HAL: variants seen among roughly 807,000 people sequenced by gnomAD.
The protein encoded by HAL is histidine ammonia-lyase.
Under a neutral mutation model 81.1 loss-of-function variants are expected in HAL, and 85 were observed. That is an observed-to-expected ratio of 1.05 (90% CI 0.88 to 1.25). HAL has a LOEUF of 1.25. Ranked by LOEUF, HAL falls within the 50% of genes most tolerant of loss-of-function variation. The pLI, the probability that HAL is intolerant of heterozygous loss-of-function variation, is 0.00. For missense variants in HAL, 798 were observed against 836.6 expected (o/e 0.95, Z 0.57); for synonymous variants, 301 against 309.2 (o/e 0.97, Z 0.28).
At chr12:95,996,052 C>T (rs1950032527) in intron 1 of HAL, 26 bp downstream of exon 1, 1 of 822,942 alleles carries the variant, frequency 1.2e-6, no homozygotes, top group Non-Finnish European at 2.0e-6. Flanking sequence ...CTCATTCATG[C>T]ATTGGACAAA....
At position 95,985,930 on chromosome 12, in the gene HAL, T is replaced by A; in HGVS notation, c.1184A>T (p.Tyr395Phe). 6.2e-7 allele frequency: 1 copy of A among 1,611,776 alleles called. No individual in the cohort carries two copies. The highest frequency in any genetic ancestry group is 8.5e-7 in the Non-Finnish European group (1 of 1,178,004). The change falls in exon 14 of 21, where the codon TAC becomes TTC. Residue 395 changes from tyrosine (Y) to phenylalanine (F), a missense_variant. Coordinates refer to ENST00000261208, the MANE Select transcript of HAL (RefSeq NM_002108.4). The stretch of plus-strand genomic sequence containing the variant: ...TACCTGTGGACAGCAGCGCAAGGTG[T>A]ATGCATCCTGGACGCGATCACAGAA... ...HRFCDRVQDA[Y>F]TLRCCPQVHG... is the part of the protein sequence containing the mutation.
At position 95,988,225 on chromosome 12, in the gene HAL, C is replaced by T. The variant is rs1592846769; in HGVS notation, c.871G>A (p.Gly291Arg). 6.6e-7 allele frequency: 1 copy of T among 1,518,444 alleles called. No individual in the cohort carries two copies. The highest frequency in any genetic ancestry group is 9.1e-7 in the Non-Finnish European group (1 of 1,093,096). 94.1% of individuals were successfully genotyped at this position (1,518,444 alleles called of 1,614,324 possible). A position where few individuals can be genotyped will look rare whatever the true frequency, so the allele number is the denominator to read the frequency against. ...ADAKYVLEAH[G>R]LKPVILKPKE... is the part of the protein sequence containing the mutation. ...GGTTTTAAAATAACTGGTTTCAATCCATGGGCTTCTAGCACCTATAGAATG... is the reference window on the plus strand; with the variant it reads ...GGTTTTAAAATAACTGGTTTCAATCTATGGGCTTCTAGCACCTATAGAATG... The change falls in exon 11 of 21, where the codon GGA becomes AGA. Residue 291 changes from glycine (G) to arginine (R), a missense_variant. Transcript: ENST00000261208.
At chr12:95,990,198 GACAGCCGAGTATAGAAGCTA>G in intron 10 of HAL, 175 bp downstream of exon 10, 1 of 645,944 alleles carries the variant, frequency 1.5e-6, no homozygotes, top group Admixed American at 2.2e-5. Context: ...CCAGAAGGCT[GACAGCCGAGTATAGAAGCTA>G]ACAACAGTCT....
intron 9 of HAL, 99 bp from the exon 10 acceptor site, chr12:95,990,631 C>T (rs1949957540): frequency 3.3e-6 from 3 of 916,988 alleles, no homozygotes; most frequent in Non-Finnish European, 5.5e-6. Flanking sequence ...AACACCCTGC[C>T]TCCAATATCT....
At chr12:95,992,420 T>A (rs1178538487) in intron 9 of HAL, among the ~76,000 whole-genome samples, 1 of 152,162 alleles carries the variant, frequency 6.6e-6, no homozygotes, top group African/African-American at 2.4e-5. Context: ...GACTTAAGAG[T>A]CCTGTTCTAG....
rs146651452 is a variant in HAL at position 95,992,727 on chromosome 12, C to T, written c.668G>A (p.Ser223Asn). 1.9e-5 allele frequency: 30 copies of T among 1,612,378 alleles called. No individual in the cohort carries two copies. The highest frequency in any genetic ancestry group is 2.3e-5 in the Non-Finnish European group (27 of 1,178,518). ...TTTGAGGGTCTCCAGGGAAATGCCACTGTATCCTTTGGCTAAGACATTGAT... is the reference window on the plus strand; with the variant it reads ...TTTGAGGGTCTCCAGGGAAATGCCATTGTATCCTTTGGCTAAGACATTGAT... ...LRINVLAKGY[S>N]GISLETLKQV... The change falls in exon 9 of 21, where the codon AGT becomes AAT. Residue 223 changes from serine (S) to asparagine (N), a missense_variant. Ser to Asn is a conservative substitution (Grantham distance 46). Coordinates refer to ENST00000261208, the MANE Select transcript of HAL (RefSeq NM_002108.4).
intron 9 of HAL, among the ~76,000 whole-genome samples, chr12:95,990,924 A>G (rs2287056): frequency 0.12 from 18,262 of 152,194 alleles, 1,340 homozygotes; most frequent in East Asian, 0.33. Context: ...AGCCTGGGCA[A>G]CACGGTGAAA....
intron 9 of HAL, among the ~76,000 whole-genome samples, chr12:95,990,849 C>A (rs1949960860): frequency 6.6e-6 from 1 of 152,198 alleles, no homozygotes; most frequent in South Asian, 2.1e-4. Flanking sequence ...GTGGCTCAAG[C>A]CTGTAATCCC....
At position 95,980,612 on chromosome 12, in the gene HAL, G is replaced by A. The variant is rs773210134; in HGVS notation, c.1463C>T (p.Ala488Val). The change falls in exon 17 of 21, where the codon GCT becomes GTT. Residue 488 changes from alanine (A) to valine (V), a missense_variant. Coordinates refer to ENST00000261208, the MANE Select transcript of HAL (RefSeq NM_002108.4). Reference protein sequence around the residue: ...SLSELPAFLVAEGGLNSGFMI... With the variant: ...SLSELPAFLVVEGGLNSGFMI... Reference sequence around the variant, plus strand: ...GAACCCAGAGTTCAGACCACCTTCAGCCACCAGGAAGGCAGGCAGCTCACT... The same window carrying A: ...GAACCCAGAGTTCAGACCACCTTCAACCACCAGGAAGGCAGGCAGCTCACT... The A allele has an allele frequency of 6.2e-7, 1 of 1,614,062 alleles. No homozygotes were observed. The highest frequency in any genetic ancestry group is 1.1e-5 in the South Asian group (1 of 91,076).
At chr12:95,984,676 G>T (rs1949855582) in intron 14 of HAL, among the ~76,000 whole-genome samples, 1 of 152,220 alleles carries the variant, frequency 6.6e-6, no homozygotes, top group African/African-American at 2.4e-5. Context: ...ATGGGAGAAA[G>T]AGTATCTTAT....
In HAL at chr12:95,980,767, T is replaced by C. The variant is rs1565987074; in HGVS notation, c.1353+31A>G. On this transcript the variant is annotated intron_variant, in intron 16 of 20. Coordinates refer to ENST00000261208, the MANE Select transcript of HAL (RefSeq NM_002108.4). ...AGTCAGCCTATATTGAAATGTGCCT[T>C]CTGGGTCAGGAGCAGTTTTAAAAAG... 3 of 1,603,084 alleles carry C rather than the reference T, an allele frequency of 1.9e-6. No individual in the cohort carries two copies. In the South Asian group the frequency reaches 3.3e-5, roughly 18 times the overall value.
intron 15 of HAL, among the ~76,000 whole-genome samples, chr12:95,982,435 CTA>C (rs2080805777): frequency 6.6e-6 from 1 of 152,218 alleles, no homozygotes; most frequent in Admixed American, 6.5e-5. Context: ...TTTCTAAAAA[CTA>C]TGAGATACCC....
At chr12:95,975,312 T>C (rs754735477) in intron 20 of HAL, among the ~76,000 whole-genome samples, 3 of 152,044 alleles carry the variant, frequency 2.0e-5, no homozygotes, top group Non-Finnish European at 4.4e-5. Context: ...AGATCCTTGG[T>C]TAGCTTTTGC....
chr12:95,979,994 ATCTG>A (rs1268083513), intron 17 of HAL, among the ~76,000 whole-genome samples: 16 of 152,220 alleles, frequency 1.1e-4, no homozygotes, highest in Admixed American at 1.0e-3. Context: ...TGATGTGTTA[ATCTG>A]TCTCTTACAA....
intron 14 of HAL, among the ~76,000 whole-genome samples, chr12:95,985,558 C>T (rs1336041477): frequency 6.7e-6 from 1 of 149,196 alleles, no homozygotes; most frequent in Non-Finnish European, 1.5e-5. Context: ...CCACTGTACT[C>T]CAGCCAGGGT....
chr12:95,983,651 CTTAAATCTTG>C, intron 15 of HAL: 1 of 524,436 alleles, frequency 1.9e-6, no homozygotes, highest in Non-Finnish European at 3.4e-6. Flanking sequence ...GAAATATCTT[CTTAAATCTTG>C]AATAGGTCCA....
At chr12:95,987,368 GTTTA>G (rs1949904658) in intron 11 of HAL, among the ~76,000 whole-genome samples, 154 bp from the exon 12 acceptor site, 1 of 152,216 alleles carries the variant, frequency 6.6e-6, no homozygotes, top group South Asian at 2.1e-4. Context: ...GGACAGTAAT[GTTTA>G]TTTAAGCCCT....
chr12:95,991,303 T>A (rs927686548), intron 9 of HAL, among the ~76,000 whole-genome samples: 1 of 152,202 alleles, frequency 6.6e-6, no homozygotes, highest in African/African-American at 2.4e-5. Flanking sequence ...GGAAAAATAG[T>A]TAGAAATTAT....
Position 95,996,068 on chromosome 12 carries a change from A to T in HAL, c.-82+10T>A. 1 of 751,908 alleles carries T rather than the reference A, an allele frequency of 1.3e-6. No homozygotes were observed. 46.6% of individuals were successfully genotyped at this position (751,908 alleles called of 1,614,324 possible). On this transcript the variant is annotated intron_variant, in intron 1 of 20. Transcript: ENST00000261208. ...TCATTCATGCATTGGACAAATATTT[A>T]TTGAGGTACCTGCTGTCCCTTTGGT...
Sources: gnomAD v4.1 joint callset for allele counts (sites outside exome capture counted in the v4.1 genomes callset) on GRCh38, gnomAD v4.1.1 for gene constraint, MANE v1.5 for transcripts, NCBI Gene and HGNC (gene_info 2026-07-23, HGNC 2026-07-21) for gene names.